TMTC2: variants seen among roughly 807,000 people sequenced by gnomAD.
The protein encoded by TMTC2 is protein O-mannosyl-transferase TMTC2.
TMTC2 carries 43 observed loss-of-function variants against 82.4 expected under a neutral mutation model. The ratio of observed to expected loss-of-function variants is 0.52; its 90% CI spans 0.41 to 0.67. The LOEUF (loss-of-function observed/expected upper bound fraction) is 0.67, where lower values mean the gene tolerates loss of function less well. Ranked by LOEUF, TMTC2 falls within the 30% of genes least tolerant of loss-of-function variation. The pLI is 0.00. For synonymous variants in TMTC2, 408 were observed against 381.9 expected (o/e 1.07, Z -0.80); for missense variants, 919 against 1,012.4 (o/e 0.91, Z 1.25).
chr12:82,761,890 C>CTCTCTG (rs1565738807), intron 1 of TMTC2, among the ~76,000 whole-genome samples: 9 of 151,248 alleles, frequency 6.0e-5, no homozygotes, highest in Non-Finnish European at 1.2e-4. Flanking sequence ...TTCTTTCTCT[C>CTCTCTG]TCTTTCTTTC....
rs568453010 is a variant in TMTC2, at chr12:82,978,876, G to A, written c.1949-7049G>A. On this transcript the variant is annotated intron_variant, in intron 7 of 11. Transcript: ENST00000321196. ...ATCTGGGTTCTCCAGAGTTGGGTGC[G>A]TATATATTTACAATTGTTATATCCT... 1.6e-4 allele frequency among the ~76,000 whole-genome samples: 24 copies of A among 151,700 alleles called. No homozygotes were observed. The East Asian group carries it at 2.5e-3, about 16-fold the overall frequency.
intron 2 of TMTC2, among the ~76,000 whole-genome samples, chr12:82,887,727 G>A (rs1873174040): frequency 6.6e-6 from 1 of 152,114 alleles, no homozygotes; most frequent in African/African-American, 2.4e-5. Flanking sequence ...GGGGATTAGA[G>A]CTGATTTCCT....
intron 11 of TMTC2, among the ~76,000 whole-genome samples, chr12:83,085,232 A>C (rs536871007): frequency 6.6e-6 from 1 of 152,268 alleles, no homozygotes; most frequent in Non-Finnish European, 1.5e-5. Flanking sequence ...CATTTTGCTA[A>C]CTATGCCTCT....
chr12:83,128,721 C>T (rs1050606305), intron 11 of TMTC2, among the ~76,000 whole-genome samples: 1 of 152,170 alleles, frequency 6.6e-6, no homozygotes, highest in African/African-American at 2.4e-5. Flanking sequence ...CCAGGGGATG[C>T]TGATGCAACT....
chr12:82,973,296 T>C (rs1209937274), intron 7 of TMTC2, among the ~76,000 whole-genome samples: 3 of 152,202 alleles, frequency 2.0e-5, no homozygotes, highest in African/African-American at 7.2e-5. Context: ...TATGAACCTC[T>C]AATTTTTAAG....
At chr12:82,967,446 C>T (rs745696082) in intron 7 of TMTC2, among the ~76,000 whole-genome samples, 24 of 152,088 alleles carry the variant, frequency 1.6e-4, no homozygotes, top group Non-Finnish European at 3.4e-4. Flanking sequence ...AGATATGCTA[C>T]AACAATTATT....
At chr12:82,709,489 C>A (rs1277132519) in intron 1 of TMTC2, among the ~76,000 whole-genome samples, 1 of 152,058 alleles carries the variant, frequency 6.6e-6, no homozygotes, top group Admixed American at 6.6e-5. Context: ...TAAGTCCTGA[C>A]AAGTAAATGG....
intron 11 of TMTC2, among the ~76,000 whole-genome samples, chr12:83,088,491 G>A (rs555796147): frequency 3.3e-5 from 5 of 152,054 alleles, no homozygotes; most frequent in South Asian, 2.1e-4. Context: ...CTTTTATAAC[G>A]AGAGATGTGC....
intron 1 of TMTC2, chr12:82,760,969 A>T (rs1401805715): frequency 5.3e-6 from 1 of 187,910 alleles, no homozygotes; most frequent in Admixed American, 6.1e-5. Context: ...TATATATTAT[A>T]ATGTAATAAT....
At chr12:83,086,652 T>C (rs912967001) in intron 11 of TMTC2, among the ~76,000 whole-genome samples, 2 of 152,184 alleles carry the variant, frequency 1.3e-5, no homozygotes, top group Admixed American at 6.5e-5. Context: ...ACAAGTGTTT[T>C]GATTTCCTGG....
At chr12:83,080,310 C>T (rs558405496) in intron 11 of TMTC2, among the ~76,000 whole-genome samples, 1 of 152,184 alleles carries the variant, frequency 6.6e-6, no homozygotes, top group South Asian at 2.1e-4. Context: ...GAATCATAGT[C>T]TTGAGAGGGT....
intron 10 of TMTC2, among the ~76,000 whole-genome samples, chr12:83,060,100 A>T (rs919571974): frequency 1.3e-5 from 2 of 151,766 alleles, no homozygotes; most frequent in Non-Finnish European, 3.0e-5. Flanking sequence ...AAACTAAAGT[A>T]CTTCTCTTGA....
intron 1 of TMTC2, among the ~76,000 whole-genome samples, chr12:82,840,605 ATGGTCC>A (rs762218558): frequency 1.3e-5 from 2 of 152,166 alleles, no homozygotes; most frequent in Non-Finnish European, 2.9e-5. Flanking sequence ...AAATGATCTC[ATGGTCC>A]TGGTTTTGGG....
intron 1 of TMTC2, among the ~76,000 whole-genome samples, chr12:82,850,624 A>G (rs925049912): frequency 1.3e-5 from 2 of 152,196 alleles, no homozygotes; most frequent in Admixed American, 1.3e-4. Flanking sequence ...GAGAAAAGTA[A>G]TGAGAAGAGT....
At chr12:83,022,820 CTA>C (rs1373307999) in intron 8 of TMTC2, among the ~76,000 whole-genome samples, 2 of 152,144 alleles carry the variant, frequency 1.3e-5, no homozygotes, top group African/African-American at 4.8e-5. Flanking sequence ...AGGTTATAAA[CTA>C]TAATTTACAG....
intron 10 of TMTC2, among the ~76,000 whole-genome samples, chr12:83,054,153 T>A (rs2137461481): frequency 6.6e-6 from 1 of 152,166 alleles, no homozygotes; most frequent in East Asian, 1.9e-4. Flanking sequence ...CAAACCTCCC[T>A]CCTCACCTGC....
chr12:82,981,265 A>T lies in TMTC2; in HGVS notation c.1949-4660A>T, dbSNP rs115987939. Among the ~76,000 whole-genome samples the T allele has an allele frequency of 6.5e-3, 991 of 152,018 alleles. 15 individuals are homozygous for T. Among genetic ancestry groups the T allele is most frequent in the African/African-American group, 0.023 (952 of 41,548 alleles). The stretch of plus-strand genomic sequence containing the variant: ...ATTCCCACTAAATGCTCTATTCTTT[A>T]TCTGCAAGCAGGAGCTGTCCAGTAA... On this transcript the variant is annotated intron_variant, in intron 7 of 11. Transcript: ENST00000321196.
At chr12:82,840,807 T>A (rs1456804007) in intron 1 of TMTC2, among the ~76,000 whole-genome samples, 1 of 152,164 alleles carries the variant, frequency 6.6e-6, no homozygotes, top group Non-Finnish European at 1.5e-5. Context: ...TGAGGTGGAG[T>A]CTTGCTCTGT....
At chr12:83,052,131 G>T (rs983258164) in intron 10 of TMTC2, among the ~76,000 whole-genome samples, 1 of 151,922 alleles carries the variant, frequency 6.6e-6, no homozygotes, top group Non-Finnish European at 1.5e-5. Flanking sequence ...TAATTACATA[G>T]ATTACTCTTA....
Sources: gnomAD v4.1 joint callset for allele counts (sites outside exome capture counted in the v4.1 genomes callset) on GRCh38, gnomAD v4.1.1 for gene constraint, MANE v1.5 for transcripts, NCBI Gene and HGNC (gene_info 2026-07-23, HGNC 2026-07-21) for gene names.